The following ATP8A2 variants were observed in gnomAD, a reference collection of about 807,000 sequenced individuals.
The protein encoded by ATP8A2 is phospholipid-transporting ATPase IB.
Under a neutral mutation model 165.6 loss-of-function variants are expected in ATP8A2, and 100 were observed. The observed-to-expected ratio is 0.60, with a 90% CI of 0.51 to 0.71. The LOEUF (loss-of-function observed/expected upper bound fraction) is 0.71. Among genes scored for constraint, ATP8A2 ranks in the 30% least tolerant of loss-of-function variants. ATP8A2 has a pLI of 0.00. For missense variants in ATP8A2, 1,227 were observed against 1,479.5 expected, an observed-to-expected ratio of 0.83 and a Z score of 2.80; for synonymous variants, 543 against 548.8, an observed-to-expected ratio of 0.99 and a Z score of 0.15.
intron 24 of ATP8A2, among the ~76,000 whole-genome samples, chr13:25,672,854 G>A (rs570827024): frequency 3.9e-5 from 6 of 152,240 alleles, no homozygotes; most frequent in African/African-American, 7.2e-5. Context: ...ATTTGAGACC[G>A]GAAGAGACTG....
intron 24 of ATP8A2, among the ~76,000 whole-genome samples, chr13:25,693,389 A>G (rs1593205993): frequency 1.3e-5 from 2 of 152,150 alleles, no homozygotes; most frequent in Admixed American, 6.5e-5. Context: ...CCGAGTGGGC[A>G]TGGAAAGTGC....
At chr13:25,713,105 G>C (rs2043187358) in intron 25 of ATP8A2, among the ~76,000 whole-genome samples, 1 of 152,104 alleles carries the variant, frequency 6.6e-6, no homozygotes, top group Non-Finnish European at 1.5e-5. Context: ...TCATTGTATA[G>C]AATTCTCCCC....
At chr13:25,726,463 C>T (rs935204069) in intron 25 of ATP8A2, among the ~76,000 whole-genome samples, 1 of 152,200 alleles carries the variant, frequency 6.6e-6, no homozygotes, top group Non-Finnish European at 1.5e-5. Flanking sequence ...CTTGCCTTTT[C>T]AGCTCCTAGT....
chr13:25,419,864 C>A (rs948719782), intron 1 of ATP8A2, among the ~76,000 whole-genome samples: 1 of 151,872 alleles, frequency 6.6e-6, no homozygotes, highest in Non-Finnish European at 1.5e-5. Flanking sequence ...GAGTGCTCTG[C>A]AAAGAACCCT....
At chr13:25,410,323 T>C (rs1274564884) in intron 1 of ATP8A2, among the ~76,000 whole-genome samples, 1 of 152,204 alleles carries the variant, frequency 6.6e-6, no homozygotes, top group African/African-American at 2.4e-5. Context: ...TTTTCACCTT[T>C]TGTTCTGTCA....
chr13:25,827,998 G>A (rs986430849), intron 27 of ATP8A2, 120 bp from the exon 28 acceptor site: 30 of 765,094 alleles, frequency 3.9e-5, no homozygotes, highest in Non-Finnish European at 6.5e-5. Context: ...AGTCCCTGTG[G>A]CTCATGATTC....
Position 25,860,844 on chromosome 13 carries a change from C to A in ATP8A2, c.3059C>A (p.Thr1020Asn), listed in dbSNP as rs767934738. 5 of 1,595,300 alleles carry A rather than the reference C, an allele frequency of 3.1e-6. No individual in the cohort carries two copies. In the African/African-American group the frequency reaches 5.4e-5, roughly 17 times the overall value. The change falls in exon 32 of 37, where the codon ACC (threonine) becomes AAC (asparagine). Residue 1020 changes from threonine to asparagine, a missense_variant. Around this residue, in one of 5 missense-constraint regions of ATP8A2, gnomAD observed 260 missense variants for 245.1 expected, o/e 1.06. Transcript: ENST00000381655. Reference protein sequence around the residue: ...VTVCLKAGLETTAWTKFSHLA... With the variant: ...VTVCLKAGLENTAWTKFSHLA... ...GTTTGTCTGAAAGCTGGTTTGGAGA[C>A]CACAGCTTGGACTAAAGTAAGTTTT...
chr13:25,807,966 C>T (rs1049123451), intron 27 of ATP8A2, among the ~76,000 whole-genome samples: 1 of 152,114 alleles, frequency 6.6e-6, no homozygotes, highest in Non-Finnish European at 1.5e-5. Flanking sequence ...TACTGAGGCT[C>T]TACAGTAGCC....
chr13:25,794,743 G>C (rs1287470432), intron 27 of ATP8A2, among the ~76,000 whole-genome samples: 3 of 151,632 alleles, frequency 2.0e-5, no homozygotes, highest in African/African-American at 7.3e-5. Context: ...CTTGGTATTT[G>C]AATCAGGCCA....
Position 25,896,483 on chromosome 13 carries a change from G to A in ATP8A2, c.3183+34075G>A, listed in dbSNP as rs537415350. ...TGGTCAATTTTGGAATAAGTGTAAT[G>A]TGGTGCTGAGAATAACGTATATTCT... is the stretch of plus-strand genomic sequence containing the variant. On this transcript the variant is annotated intron_variant, in intron 33 of 36. Coordinates refer to ENST00000381655, the MANE Select transcript of ATP8A2 (RefSeq NM_016529.6). Among the ~76,000 whole-genome samples the A allele has an allele frequency of 6.6e-5, 10 of 151,598 alleles. No homozygotes were observed. In the East Asian group the frequency reaches 1.7e-3, roughly 26 times the overall value.
At chr13:25,943,680 A>T (rs988591234) in intron 33 of ATP8A2, among the ~76,000 whole-genome samples, 1 of 152,234 alleles carries the variant, frequency 6.6e-6, no homozygotes, top group East Asian at 1.9e-4. Flanking sequence ...CTCTGCCTGT[A>T]TGATTTGAAA....
Position 25,456,010 on chromosome 13 carries a change from G to A in ATP8A2, c.77-12967G>A, listed in dbSNP as rs113573509. 3.8e-3 allele frequency among the ~76,000 whole-genome samples: 583 copies of A among 152,256 alleles called. 7 individuals carry two copies. The highest frequency in any genetic ancestry group is 0.013 in the African/African-American group (538 of 41,534). The stretch of plus-strand genomic sequence containing the variant: ...TTCTTGTGTGTCTATCTGGCTATGG[G>A]GTGGAGGAGAGCACAAACTCAAAGG... On this transcript the variant is annotated intron_variant, in intron 1 of 36. Coordinates refer to ENST00000381655, the MANE Select transcript of ATP8A2 (RefSeq NM_016529.6).
In ATP8A2 at chr13:25,769,100, G is replaced by C. The variant is rs2044559820; in HGVS notation, c.2439G>C (p.Lys813Asn). 2 of 1,614,064 alleles carry C rather than the reference G, an allele frequency of 1.2e-6. No individual in the cohort carries two copies. The highest frequency in any genetic ancestry group is 1.7e-6 in the Non-Finnish European group (2 of 1,180,032). The change falls in exon 26 of 37, where the codon AAG becomes AAC. Residue 813 changes from lysine (K) to asparagine (N), a missense_variant. Around this residue, in one of 5 missense-constraint regions of ATP8A2, gnomAD observed 592 missense variants for 785.6 expected, o/e 0.75. Transcript: ENST00000381655. ...EIVDVVKKRV[K>N]AITLAIGDGA... The stretch of plus-strand genomic sequence containing the variant: ...TGGATGTGGTGAAGAAGCGGGTGAA[G>C]GCCATCACCCTCGCCATCGGAGACG...
intron 1 of ATP8A2, among the ~76,000 whole-genome samples, chr13:25,465,667 C>CTT (rs1215571751): frequency 7.1e-4 from 4 of 5,614 alleles, no homozygotes; most frequent in African/African-American, 1.9e-3. Context: ...GCAGAGTTTT[C>CTT]TTTCTTTCTT....
intron 25 of ATP8A2, among the ~76,000 whole-genome samples, chr13:25,712,106 A>T (rs2043170231): frequency 6.6e-6 from 1 of 152,212 alleles, no homozygotes; most frequent in East Asian, 1.9e-4. Context: ...ACCATAGTGT[A>T]CAGGGCTATA....
At chr13:26,007,860 A>G (rs2139342184) in intron 35 of ATP8A2, among the ~76,000 whole-genome samples, 1 of 152,204 alleles carries the variant, frequency 6.6e-6, no homozygotes, top group Non-Finnish European at 1.5e-5. Context: ...ATATAACAGA[A>G]CCCTATGCAT....
At chr13:25,403,821 A>AAG (rs2033714781) in intron 1 of ATP8A2, among the ~76,000 whole-genome samples, 5 of 152,038 alleles carry the variant, frequency 3.3e-5, no homozygotes, top group Admixed American at 6.5e-5. Context: ...TAGATGACTC[A>AAG]AAGTTGGGAG....
chr13:25,520,909 G>A (rs777716227), intron 2 of ATP8A2, among the ~76,000 whole-genome samples: 24 of 151,976 alleles, frequency 1.6e-4, no homozygotes, highest in Admixed American at 9.8e-4. Flanking sequence ...CCACCGTGCC[G>A]GCCCTATTTT....
chr13:25,726,782 C>G (rs1007800933), intron 25 of ATP8A2, among the ~76,000 whole-genome samples: 1 of 152,146 alleles, frequency 6.6e-6, no homozygotes. Context: ...ATTCAGCCTA[C>G]TACAGTTGCC....
Sources: allele counts gnomAD v4.1 joint callset (sites outside exome capture counted in the v4.1 genomes callset), GRCh38; gene constraint gnomAD v4.1.1; regional missense constraint gnomAD v4.1.1; transcripts MANE v1.5; gene names NCBI Gene and HGNC (gene_info 2026-07-23, HGNC 2026-07-21).